Variants in ADAP2 observed in about 807,000 individuals in gnomAD.
ADAP2 encodes the protein arf-GAP with dual PH domain-containing protein 2.
ADAP2 carries 42 observed loss-of-function variants against 54.9 expected under a neutral mutation model. The ratio of observed to expected loss-of-function variants is 0.77; its 90% CI spans 0.60 to 0.99. The LOEUF (loss-of-function observed/expected upper bound fraction) is 0.99. ADAP2 is among the 50% of genes least tolerant of loss of function. The probability of loss-of-function intolerance (pLI) is 0.00; values close to 1 mark genes in which losing one functional copy is unlikely to be tolerated. For synonymous variants in ADAP2, 177 were observed against 180.1 expected, an observed-to-expected ratio of 0.98 and a Z score of 0.14; for missense variants, 429 against 480.4, an observed-to-expected ratio of 0.89 and a Z score of 1.00.
chr17:30,955,259 A>C (rs1317122208), intron 9 of ADAP2, among the ~76,000 whole-genome samples: 1 of 151,672 alleles, frequency 6.6e-6, no homozygotes, highest in Non-Finnish European at 1.5e-5. Context: ...ACAGGCATGC[A>C]TCACCATGCC....
intron 7 of ADAP2, among the ~76,000 whole-genome samples, chr17:30,951,498 A>G (rs76155952): frequency 1.3e-5 from 2 of 151,552 alleles, no homozygotes; most frequent in South Asian, 4.2e-4. Context: ...TACATTAAAA[A>G]TTTTTTTTTA....
chr17:30,925,145 A>G (rs1355059482), intron 2 of ADAP2, among the ~76,000 whole-genome samples: 1 of 150,124 alleles, frequency 6.7e-6, no homozygotes, highest in Non-Finnish European at 1.5e-5. Context: ...CGGCCTCCCA[A>G]AGTGCTGGGA....
rs142557280 is a variant in ADAP2 at position 30,944,142 on chromosome 17, A to T, written c.511-765A>T. 2.4e-3 allele frequency among the ~76,000 whole-genome samples: 369 copies of T among 152,260 alleles called. 1 individual carries two copies. Among genetic ancestry groups the T allele is most frequent in the African/African-American group, 8.4e-3 (351 of 41,562 alleles). On this transcript the variant is annotated intron_variant, in intron 5 of 10. Coordinates refer to ENST00000330889, the MANE Select transcript of ADAP2 (RefSeq NM_018404.3). ...GGGAGGCGGAGTTTGCAGTGAGCCG[A>T]GATCACGCCGTTGCACTCCAGCTGG...
chr17:30,955,709 A>AG (rs1014249861), intron 9 of ADAP2, among the ~76,000 whole-genome samples: 3 of 151,596 alleles, frequency 2.0e-5, no homozygotes, highest in East Asian at 3.9e-4. Flanking sequence ...TCAAAAAAAA[A>AG]AAAAGAAAGA....
chr17:30,952,015 A>G (rs1018757807), intron 7 of ADAP2, among the ~76,000 whole-genome samples: 3 of 152,118 alleles, frequency 2.0e-5, no homozygotes, highest in Non-Finnish European at 4.4e-5. Context: ...GCTGTTCCCC[A>G]GACCTCACTT....
At chr17:30,922,141 C>A in intron 1 of ADAP2, 33 bp downstream of exon 1, 1 of 1,219,944 alleles carries the variant, frequency 8.2e-7, no homozygotes, top group Non-Finnish European at 1.0e-6. Flanking sequence ...AGCGCGAGAC[C>A]CCCGGCCGGA....
chr17:30,944,872 C>A, intron 5 of ADAP2, 35 bp from the exon 6 acceptor site: 1 of 1,606,086 alleles, frequency 6.2e-7, no homozygotes. Flanking sequence ...ACCCTGTGGA[C>A]TGTCAGCGTC....
Position 30,951,587 on chromosome 17 carries a change from C to T in ADAP2, c.742-1701C>T, listed in dbSNP as rs565011026. Among the ~76,000 whole-genome samples, 12 of 152,038 alleles carry T rather than the reference C, an allele frequency of 7.9e-5. No individual in the cohort carries two copies. In the South Asian group the frequency reaches 1.3e-3, roughly 16 times the overall value. ...CTGGCCTCAAGCAATCCTCCTACCT[C>T]GGCCTCCCAAAGTGCTGGGATTACA... On this transcript the variant is annotated intron_variant, in intron 7 of 10. Transcript: ENST00000330889.
At chr17:30,939,360 A>C (rs1166448661) in intron 5 of ADAP2, among the ~76,000 whole-genome samples, 3 of 152,032 alleles carry the variant, frequency 2.0e-5, no homozygotes, top group Non-Finnish European at 4.4e-5. Flanking sequence ...TTAAAATCAT[A>C]AAGGTAACTA....
intron 9 of ADAP2, 61 bp downstream of exon 9, chr17:30,954,616 C>G: frequency 7.1e-7 from 1 of 1,412,114 alleles, no homozygotes. Context: ...TGGTGCTTGT[C>G]TGGAACTATG....
At chr17:30,924,490 T>C (rs1473874022) in intron 2 of ADAP2, among the ~76,000 whole-genome samples, 4 of 152,130 alleles carry the variant, frequency 2.6e-5, no homozygotes, top group Admixed American at 2.0e-4. Context: ...ACCACTTTGC[T>C]CTCCTGCCCT....
intron 3 of ADAP2, among the ~76,000 whole-genome samples, chr17:30,928,854 C>T (rs1413170313): frequency 1.3e-5 from 2 of 152,164 alleles, no homozygotes; most frequent in Non-Finnish European, 1.5e-5. Context: ...ACTTAGACTC[C>T]CCACCAGGGC....
At chr17:30,943,056 C>A (rs553417733) in intron 5 of ADAP2, among the ~76,000 whole-genome samples, 1 of 152,198 alleles carries the variant, frequency 6.6e-6, no homozygotes, top group African/African-American at 2.4e-5. Context: ...GGGTATATAC[C>A]CAAAGCAATA....
At chr17:30,942,200 G>A (rs553480741) in intron 5 of ADAP2, among the ~76,000 whole-genome samples, 3 of 152,088 alleles carry the variant, frequency 2.0e-5, no homozygotes, top group African/African-American at 4.8e-5. Context: ...CACAGTGCCC[G>A]GCCCAAACTT....
chr17:30,953,174 A>G, intron 7 of ADAP2, 114 bp from the exon 8 acceptor site: 1 of 861,556 alleles, frequency 1.2e-6, no homozygotes, highest in East Asian at 2.5e-5. Flanking sequence ...ACTGTGAGCC[A>G]TGAGCGTACA....
intron 9 of ADAP2, 70 bp downstream of exon 9, chr17:30,954,625 T>G (rs1451530392): frequency 7.5e-7 from 1 of 1,327,954 alleles, no homozygotes; most frequent in Non-Finnish European, 1.1e-6. Context: ...TCTGGAACTA[T>G]GTGAAAGCTA....
At chr17:30,923,415 C>T (rs918053065) in intron 2 of ADAP2, among the ~76,000 whole-genome samples, 1 of 151,978 alleles carries the variant, frequency 6.6e-6, no homozygotes, top group African/African-American at 2.4e-5. Context: ...CAGGCGCCTG[C>T]CACCACACCC....
intron 1 of ADAP2, among the ~76,000 whole-genome samples, chr17:30,922,448 T>A (rs540638557): frequency 6.6e-6 from 1 of 152,168 alleles, no homozygotes; most frequent in South Asian, 2.1e-4. Flanking sequence ...ACCGCCCGAG[T>A]CCGGGCTCTC....
chr17:30,957,619 CAG>C (rs1239810473), intron 10 of ADAP2, among the ~76,000 whole-genome samples: 1 of 152,036 alleles, frequency 6.6e-6, no homozygotes, highest in East Asian at 1.9e-4. Flanking sequence ...TTGGTAGAGA[CAG>C]AGTTTCACCA....
Sources: gnomAD v4.1 joint callset for allele counts (sites outside exome capture counted in the v4.1 genomes callset) on GRCh38, gnomAD v4.1.1 for gene constraint, MANE v1.5 for transcripts, NCBI Gene and HGNC (gene_info 2026-07-23, HGNC 2026-07-21) for gene names.